Variants in ANKIB1 observed in about 807,000 individuals in gnomAD.
ANKIB1 encodes the protein ankyrin repeat and IBR domain-containing protein 1.
ANKIB1 carries 43 observed loss-of-function variants against 122.1 expected under a neutral mutation model. That is an observed-to-expected ratio of 0.35 (90% CI 0.28 to 0.45). The LOEUF (loss-of-function observed/expected upper bound fraction) is 0.45, where lower values mean the gene tolerates loss of function less well. Ranked by LOEUF, ANKIB1 falls within the 20% of genes least tolerant of loss-of-function variation. The pLI, the probability that ANKIB1 is intolerant of heterozygous loss-of-function variation, is 1.00. For missense variants in ANKIB1, 992 were observed against 1,329.5 expected (o/e 0.75, Z 3.95); for synonymous variants, 390 against 442.0 (o/e 0.88, Z 1.48).
chr7:92,380,366 T>C (rs932922440), intron 11 of ANKIB1, among the ~76,000 whole-genome samples: 1 of 152,124 alleles, frequency 6.6e-6, no homozygotes. Flanking sequence ...GTCCGACAGC[T>C]CTGAAGAGAG....
At chr7:92,276,796 CAG>C (rs1801914163) in intron 1 of ANKIB1, among the ~76,000 whole-genome samples, 2 of 152,124 alleles carry the variant, frequency 1.3e-5, no homozygotes. Flanking sequence ...TCCTGATAAT[CAG>C]GGTACACATG....
intron 9 of ANKIB1, among the ~76,000 whole-genome samples, chr7:92,355,012 T>C (rs1803763641): frequency 2.6e-5 from 4 of 152,328 alleles, no homozygotes; most frequent in South Asian, 4.1e-4. Context: ...CCAGGAGATA[T>C]CTGCATAGAT....
intron 5 of ANKIB1, among the ~76,000 whole-genome samples, chr7:92,331,762 C>G (rs1192194211): frequency 1.3e-5 from 2 of 152,172 alleles, no homozygotes; most frequent in African/African-American, 4.8e-5. Context: ...CATGGCCACA[C>G]CTCACTGTCA....
intron 2 of ANKIB1, among the ~76,000 whole-genome samples, chr7:92,296,963 A>T (rs935056723): frequency 6.6e-6 from 1 of 152,104 alleles, no homozygotes; most frequent in Non-Finnish European, 1.5e-5. Flanking sequence ...AGCCACCTCC[A>T]GCTTAGTTGT....
At chr7:92,344,465 A>G (rs1470281768) in intron 6 of ANKIB1, among the ~76,000 whole-genome samples, 1 of 152,010 alleles carries the variant, frequency 6.6e-6, no homozygotes. Flanking sequence ...TCGGCCTCGC[A>G]AAGTGCTGGG....
rs543235955 is a variant in ANKIB1 at position 92,310,720 on chromosome 7, T to C, written c.486+3064T>C. On this transcript the variant is annotated intron_variant, in intron 3 of 19. Coordinates refer to ENST00000265742, the MANE Select transcript of ANKIB1 (RefSeq NM_019004.2). Reference sequence around the variant, plus strand: ...TCCTCCTTATACTTTAAATTGTCTCTAGATTGCGTATAATACCTAGTACAA... The same window carrying C: ...TCCTCCTTATACTTTAAATTGTCTCCAGATTGCGTATAATACCTAGTACAA... 5.9e-5 allele frequency among the ~76,000 whole-genome samples: 9 copies of C among 152,302 alleles called. No homozygotes were observed. In the South Asian group the frequency reaches 1.9e-3, roughly 32 times the overall value.
At chr7:92,384,918 G>A (rs1804599992) in intron 11 of ANKIB1, among the ~76,000 whole-genome samples, 1 of 152,130 alleles carries the variant, frequency 6.6e-6, no homozygotes, top group Non-Finnish European at 1.5e-5. Context: ...TTTCTGCATA[G>A]CAAAAGAAAC....
chr7:92,285,794 A>G (rs1036513639), intron 1 of ANKIB1, among the ~76,000 whole-genome samples: 2 of 152,246 alleles, frequency 1.3e-5, no homozygotes, highest in African/African-American at 4.8e-5. Context: ...TAAGTTGAGA[A>G]TGTTAAAGCT....
In ANKIB1 at chr7:92,348,295, G is replaced by T. The variant is rs188123153; in HGVS notation, c.1086-2655G>T. Among the ~76,000 whole-genome samples, 58 of 152,124 alleles carry T rather than the reference G, an allele frequency of 3.8e-4. No individual in the cohort carries two copies. The East Asian group carries it at 9.8e-3, about 26-fold the overall frequency. On this transcript the variant is annotated intron_variant, in intron 7 of 19. Transcript: ENST00000265742. ...TGACAAGGGACTATACAACTTCCCA[G>T]GGAATCTCTTCATAGCTAAAAAGAG...
intron 5 of ANKIB1, among the ~76,000 whole-genome samples, chr7:92,341,169 G>C (rs905652234): frequency 6.6e-6 from 1 of 151,964 alleles, no homozygotes; most frequent in Admixed American, 6.6e-5. Context: ...ACTTAGCCTG[G>C]AGTGGTGGCA....
intron 9 of ANKIB1, among the ~76,000 whole-genome samples, chr7:92,357,030 A>G (rs1032759918): frequency 6.6e-5 from 10 of 152,232 alleles, no homozygotes; most frequent in African/African-American, 2.4e-4. Flanking sequence ...ACTTCTGGAT[A>G]TGAATTTCTT....
At chr7:92,379,494 A>T (rs923823334) in intron 11 of ANKIB1, among the ~76,000 whole-genome samples, 1 of 152,182 alleles carries the variant, frequency 6.6e-6, no homozygotes, top group African/African-American at 2.4e-5. Flanking sequence ...AAATAGCCAT[A>T]TTATGAAACC....
At chr7:92,265,334 G>A (rs1433872412) in intron 1 of ANKIB1, among the ~76,000 whole-genome samples, 1 of 152,140 alleles carries the variant, frequency 6.6e-6, no homozygotes, top group African/African-American at 2.4e-5. Context: ...TAAGAATTGA[G>A]GAGGGAGTAA....
At chr7:92,290,002 A>G (rs1326174894) in intron 1 of ANKIB1, among the ~76,000 whole-genome samples, 3 of 152,178 alleles carry the variant, frequency 2.0e-5, no homozygotes, top group Admixed American at 6.5e-5. Flanking sequence ...TTTTTTGTAG[A>G]GACAGAGTTT....
At position 92,398,823 on chromosome 7, in the gene ANKIB1, G is replaced by C. The variant is rs779694211; in HGVS notation, c.3144G>C (p.Ala1048=). The C allele has an allele frequency of 1.2e-6, 2 of 1,605,130 alleles. No homozygotes were observed. Among genetic ancestry groups the C allele is most frequent in the Non-Finnish European group, 8.5e-7 (1 of 1,175,558 alleles). ...ATCCTTTGGAAGAAAATATTCTGGC[G>C]GGGGAAGCAGCATCTCAAGCTGGTG... is the stretch of plus-strand genomic sequence containing the variant. ...EENPLEENIL[A]GEAASQAGDS... is the part of the protein sequence containing the mutation. Residue 1048 remains alanine, a synonymous_variant, in exon 20 of 20, where the codon GCG becomes GCC. Transcript: ENST00000265742.
At chr7:92,355,540 G>T (rs1803783161) in intron 9 of ANKIB1, among the ~76,000 whole-genome samples, 1 of 152,018 alleles carries the variant, frequency 6.6e-6, no homozygotes. Flanking sequence ...AAATTGATTG[G>T]CAGGAAATAT....
chr7:92,398,534 C>A lies in ANKIB1; in HGVS notation c.2855C>A (p.Ser952Ter). Residue 952 changes from serine to a stop codon, truncating the protein, a stop_gained, in exon 20 of 20, where the codon TCA (serine) becomes TAA (stop). Transcript: ENST00000265742. LOFTEE classifies it high-confidence loss of function. ...GAGGCAAGAAGTGATTTCTGTCCCT[C>A]ATCTAGTGATCCTGACTCAGCTGGC... ...LSEARSDFCP[S>*]SSDPDSAGQD... The A allele has an allele frequency of 2.5e-6, 4 of 1,613,976 alleles. No individual in the cohort carries two copies. Among genetic ancestry groups the A allele is most frequent in the Non-Finnish European group, 3.4e-6 (4 of 1,179,870 alleles).
chr7:92,295,758 A>T (rs1414204732), intron 2 of ANKIB1, among the ~76,000 whole-genome samples: 1 of 152,186 alleles, frequency 6.6e-6, no homozygotes, highest in Admixed American at 6.5e-5. Context: ...AAGAAACTTT[A>T]AAAAATACCT....
intron 1 of ANKIB1, among the ~76,000 whole-genome samples, chr7:92,270,590 T>TTCC (rs1371846069): frequency 1.3e-5 from 2 of 152,162 alleles, no homozygotes; most frequent in African/African-American, 4.8e-5. Flanking sequence ...CATGTATAGA[T>TTCC]TAGGATAACC....
Sources: gnomAD v4.1 joint callset for allele counts (sites outside exome capture counted in the v4.1 genomes callset) on GRCh38, gnomAD v4.1.1 for gene constraint, MANE v1.5 for transcripts, NCBI Gene and HGNC (gene_info 2026-07-23, HGNC 2026-07-21) for gene names.